DNAH14: variants seen among roughly 807,000 people sequenced by gnomAD.
DNAH14 encodes dynein axonemal heavy chain 14.
In DNAH14, 478 loss-of-function variants were observed where a neutral mutation model predicts 520.9. The ratio of observed to expected loss-of-function variants is 0.92; its 90% CI spans 0.85 to 0.99. The LOEUF (loss-of-function observed/expected upper bound fraction) is 0.99. Ranked by LOEUF, DNAH14 falls within the 50% of genes least tolerant of loss-of-function variation. The pLI, the probability that DNAH14 is intolerant of heterozygous loss-of-function variation, is 0.00. For missense variants in DNAH14, 4,831 were observed against 5,234.5 expected (o/e 0.92, Z 2.38); for synonymous variants, 1,581 against 1,757.2 (o/e 0.90, Z 2.51).
In DNAH14 at chr1:225,225,092, T is replaced by G. The variant is rs118007168; in HGVS notation, c.6440-5981T>G. On this transcript the variant is annotated intron_variant, in intron 41 of 85. Transcript: ENST00000682510. ...TGACCAAACCACCCAATCACATCTA[T>G]TTTTCCACCAAAATTGGAGAAATGT... Among the ~76,000 whole-genome samples, 57 of 152,254 alleles carry G rather than the reference T, an allele frequency of 3.7e-4. No individual in the cohort carries two copies. The East Asian group carries it at 0.01, about 27-fold the overall frequency.
intron 35 of DNAH14, among the ~76,000 whole-genome samples, chr1:225,163,500 T>C (rs971318539): frequency 1.3e-5 from 2 of 152,204 alleles, no homozygotes; most frequent in African/African-American, 2.4e-5. Context: ...GGGTCTGTCA[T>C]GTGGTTTTAT....
chr1:225,255,135 G>A (rs1558169809), intron 44 of DNAH14, among the ~76,000 whole-genome samples: 1 of 152,260 alleles, frequency 6.6e-6, no homozygotes, highest in East Asian at 1.9e-4. Context: ...CATGGGCAGG[G>A]GGTAGTTATT....
At chr1:225,061,020 A>G (rs1380869670) in intron 17 of DNAH14, among the ~76,000 whole-genome samples, 2 of 151,364 alleles carry the variant, frequency 1.3e-5, no homozygotes, top group Non-Finnish European at 2.9e-5. Context: ...TGCTAGGAGA[A>G]CCACTACTCT....
chr1:224,944,198 A>G (rs1043918903), intron 1 of DNAH14, among the ~76,000 whole-genome samples: 2 of 152,164 alleles, frequency 1.3e-5, no homozygotes, highest in African/African-American at 4.8e-5. Flanking sequence ...CTGCATATAT[A>G]TTTAGGATAG....
chr1:225,009,882 T>G (rs192463189), intron 10 of DNAH14, among the ~76,000 whole-genome samples: 1 of 152,220 alleles, frequency 6.6e-6, no homozygotes, highest in Non-Finnish European at 1.5e-5. Flanking sequence ...TTGCTCATGA[T>G]TAGGTTCTCT....
intron 30 of DNAH14, among the ~76,000 whole-genome samples, chr1:225,146,781 T>A (rs1414676294): frequency 6.6e-6 from 1 of 152,232 alleles, no homozygotes; most frequent in African/African-American, 2.4e-5. Context: ...TGCAGCTGTG[T>A]GAGGGAAATG....
At chr1:225,104,074 A>T (rs1375862572) in intron 23 of DNAH14, among the ~76,000 whole-genome samples, 1 of 152,074 alleles carries the variant, frequency 6.6e-6, no homozygotes, top group Non-Finnish European at 1.5e-5. Flanking sequence ...CTCAATACCT[A>T]ATTTATTGAG....
intron 17 of DNAH14, among the ~76,000 whole-genome samples, chr1:225,068,378 G>GTGTGA (rs1490584153): frequency 1.4e-5 from 2 of 147,702 alleles, no homozygotes; most frequent in African/African-American, 2.5e-5. Context: ...AAGATGGGTA[G>GTGTGA]TGTGATGCCT....
chr1:225,346,747 G>C (rs2095292073), intron 71 of DNAH14, 93 bp downstream of exon 71: 1 of 948,136 alleles, frequency 1.1e-6, no homozygotes, highest in East Asian at 2.7e-5. Flanking sequence ...CTCTATAATT[G>C]ATTAAAGTAA....
intron 75 of DNAH14, among the ~76,000 whole-genome samples, chr1:225,363,920 A>G (rs1410591953): frequency 6.6e-6 from 1 of 151,974 alleles, no homozygotes; most frequent in Non-Finnish European, 1.5e-5. Flanking sequence ...ATACCTTAAC[A>G]TTTTCTGAAA....
In DNAH14 at chr1:225,298,376, C is replaced by T. The variant is rs774718668; in HGVS notation, c.8470-2493C>T. Reference sequence around the variant, plus strand: ...TGTCAGCTGTTCAATGGCTCTGGGACCCCTCCTGCTTCAAGAAGGGTACAC... The same window carrying T: ...TGTCAGCTGTTCAATGGCTCTGGGATCCCTCCTGCTTCAAGAAGGGTACAC... On this transcript the variant is annotated intron_variant, in intron 55 of 85. Coordinates refer to ENST00000682510, the MANE Select transcript of DNAH14 (RefSeq NM_001367479.1). Among the ~76,000 whole-genome samples the T allele has an allele frequency of 2.0e-5, 3 of 152,172 alleles. No individual in the cohort carries two copies. The East Asian group carries it at 5.8e-4, about 29-fold the overall frequency.
At position 225,301,839 on chromosome 1, in the gene DNAH14, T is replaced by C. The variant is rs529461172; in HGVS notation, c.8631+809T>C. On this transcript the variant is annotated intron_variant, in intron 56 of 85. Transcript: ENST00000682510. The stretch of plus-strand genomic sequence containing the variant: ...AAAAATTCCAAAAATGACTCCACAG[T>C]TGATAGAGAACAAGATAATATGAGT... Among the ~76,000 whole-genome samples the C allele has an allele frequency of 2.6e-4, 39 of 152,148 alleles. No homozygotes were observed. In the South Asian group the frequency reaches 3.1e-3, roughly 12 times the overall value.
At chr1:224,999,381 T>G (rs1375481163) in intron 8 of DNAH14, among the ~76,000 whole-genome samples, 1 of 151,990 alleles carries the variant, frequency 6.6e-6, no homozygotes, top group Non-Finnish European at 1.5e-5. Flanking sequence ...TAATTTTGTA[T>G]TTTTAGTAGA....
rs1210668111 is a variant in DNAH14 at position 225,207,163 on chromosome 1, T to C, written c.6382T>C (p.Cys2128Arg). ...GGACATAACAGTCGTCATAACCCTCTGCAGAATTCTTGATGCTTTCTTTGA... is the reference window on the plus strand; with the variant it reads ...GGACATAACAGTCGTCATAACCCTCCGCAGAATTCTTGATGCTTTCTTTGA... ...MEDITVVITL[C>R]RILDAFFDFM... Residue 2128 changes from cysteine to arginine, a missense_variant, in exon 41 of 86, where the codon TGC becomes CGC. By Grantham distance (180) the Cys-to-Arg change is radical. Coordinates refer to ENST00000682510, the MANE Select transcript of DNAH14 (RefSeq NM_001367479.1). The C allele has an allele frequency of 3.9e-6, 6 of 1,541,156 alleles. No individual in the cohort carries two copies. Among genetic ancestry groups the C allele is most frequent in the Non-Finnish European group, 5.2e-6 (6 of 1,143,296 alleles).
Position 225,204,242 on chromosome 1 carries a change from A to G in DNAH14, c.5946A>G (p.Ile1982Met). 1 of 1,494,780 alleles carries G rather than the reference A, an allele frequency of 6.7e-7. No homozygotes were observed. The allele number at this position is 1,494,780 out of a possible 1,614,324, so 92.6% of individuals were successfully genotyped here. ...TETDDNIFEE[I>M]EKVVKIPENH... Reference sequence around the variant, plus strand: ...CTGATGATAATATTTTTGAGGAGATAGAGAAAGTTGTTAAAATTCCAGAAA... The same window carrying G: ...CTGATGATAATATTTTTGAGGAGATGGAGAAAGTTGTTAAAATTCCAGAAA... The change falls in exon 39 of 86, where the codon ATA becomes ATG. Residue 1982 changes from isoleucine to methionine, a missense_variant. Ile to Met is a conservative substitution (Grantham distance 10). Transcript: ENST00000682510.
At chr1:224,962,517 T>C (rs1297507281) in intron 4 of DNAH14, among the ~76,000 whole-genome samples, 13 of 152,052 alleles carry the variant, frequency 8.5e-5, no homozygotes, top group Admixed American at 8.5e-4. Flanking sequence ...AATGGGGACC[T>C]CAGTCATACA....
intron 8 of DNAH14, among the ~76,000 whole-genome samples, chr1:224,995,161 T>A (rs1347843553): frequency 6.6e-6 from 1 of 152,176 alleles, no homozygotes; most frequent in Non-Finnish European, 1.5e-5. Context: ...TCTTGATTTA[T>A]GTTATCATTT....
chr1:225,157,150 A>C lies in DNAH14; in HGVS notation c.5274-2164A>C, dbSNP rs560130737. Among the ~76,000 whole-genome samples, 18 of 152,320 alleles carry C rather than the reference A, an allele frequency of 1.2e-4. 1 individual carries two copies. In the South Asian group the frequency reaches 2.1e-3, roughly 18 times the overall value. ...GCAGTTTTCTCCCTCTTTCCTTTAAAATAATTTTCCAAATCTTTTTGTTTA... is the reference window on the plus strand; with the variant it reads ...GCAGTTTTCTCCCTCTTTCCTTTAACATAATTTTCCAAATCTTTTTGTTTA... On this transcript the variant is annotated intron_variant, in intron 34 of 85. Coordinates refer to ENST00000682510, the MANE Select transcript of DNAH14 (RefSeq NM_001367479.1).
At chr1:225,134,483 C>T (rs904131189) in intron 27 of DNAH14, among the ~76,000 whole-genome samples, 2 of 148,586 alleles carry the variant, frequency 1.3e-5, no homozygotes, top group Non-Finnish European at 3.0e-5. Flanking sequence ...ATTGAGATAA[C>T]GTGGTTTTTG....
Sources: allele counts gnomAD v4.1 joint callset (sites outside exome capture counted in the v4.1 genomes callset), GRCh38; gene constraint gnomAD v4.1.1; transcripts MANE v1.5; gene names NCBI Gene and HGNC (gene_info 2026-07-23, HGNC 2026-07-21).